Variants in NQO2 observed in about 807,000 individuals in gnomAD.
NQO2 encodes ribosyldihydronicotinamide dehydrogenase [quinone].
In NQO2, 18 loss-of-function variants were observed where a neutral mutation model predicts 22.0. That is an observed-to-expected ratio of 0.82 (90% confidence interval 0.56 to 1.21). The LOEUF is 1.21. NQO2 is among the 50% of genes most tolerant of loss of function. The pLI is 0.00. For missense variants in NQO2, 267 were observed against 286.9 expected (o/e 0.93, Z 0.50); for synonymous variants, 106 against 110.8 (o/e 0.96, Z 0.28).
At chr6:3,001,090 C>CTTTTTT (rs66489312) in intron 1 of NQO2, among the ~76,000 whole-genome samples, 1 of 114,226 alleles carries the variant, frequency 8.8e-6, no homozygotes, top group Admixed American at 9.1e-5. Flanking sequence ...CTTTCTTTTT[C>CTTTTTT]TTTTTTTTTT....
At position 3,006,422 on chromosome 6, in the gene NQO2, C is replaced by T; in HGVS notation, c.-85-46C>T. The T allele has an allele frequency of 2.6e-6, 4 of 1,538,106 alleles. No homozygotes were observed. The highest frequency in any genetic ancestry group is 3.5e-6 in the Non-Finnish European group (4 of 1,145,694). The stretch of plus-strand genomic sequence containing the variant: ...TGCCTAGATGTGGTACATTCGACCT[C>T]ACCTATGCCTCTCCCCACCCCCTCT... On this transcript the variant is annotated intron_variant, in intron 1 of 6. Coordinates refer to ENST00000380455, the MANE Select transcript of NQO2 (RefSeq NM_000904.6). The surrounding 1 kb of genome is among the most constrained non-coding windows in gnomAD (Gnocchi z 4.0).
chr6:3,015,208 C>G, intron 4 of NQO2: 1 of 1,361,410 alleles, frequency 7.3e-7, no homozygotes, highest in Admixed American at 2.2e-5. Flanking sequence ...TTTTGACTGG[C>G]TTGATCACAG....
chr6:3,017,059 C>T, intron 6 of NQO2, 74 bp downstream of exon 6: 1 of 1,430,464 alleles, frequency 7.0e-7, no homozygotes, highest in Non-Finnish European at 9.6e-7. Flanking sequence ...CACATGCATA[C>T]ACACACACAC....
intron 1 of NQO2, chr6:3,004,786 T>C (rs1173487928): frequency 3.2e-6 from 1 of 312,754 alleles, no homozygotes; most frequent in Non-Finnish European, 4.6e-6. Context: ...TCACACTCTC[T>C]GCATTGTTTT....
chr6:3,015,720 T>A, intron 5 of NQO2, 77 bp downstream of exon 5: 2 of 1,374,938 alleles, frequency 1.5e-6, no homozygotes, highest in Middle Eastern at 1.8e-4. Context: ...TCAAGTTATA[T>A]TTCTAGTTTC....
chr6:3,015,016 C>T, intron 4 of NQO2: 2 of 1,045,102 alleles, frequency 1.9e-6, no homozygotes, highest in Admixed American at 2.3e-5. Flanking sequence ...CAGGCGGTAA[C>T]ACTGGATGTA....
At chr6:3,015,507 C>T in intron 4 of NQO2, 23 bp from the exon 5 acceptor site, 1 of 1,609,092 alleles carries the variant, frequency 6.2e-7, no homozygotes, top group Non-Finnish European at 8.5e-7. Flanking sequence ...GCCTCAGTTT[C>T]TCTTTGGTGT....
intron 4 of NQO2, chr6:3,015,219 A>G: frequency 1.5e-6 from 2 of 1,377,426 alleles, no homozygotes; most frequent in Non-Finnish European, 1.9e-6. Context: ...TTGATCACAG[A>G]CTGCTGCTCC....
At chr6:3,016,136 C>T (rs1354570931) in intron 5 of NQO2, among the ~76,000 whole-genome samples, 1 of 152,128 alleles carries the variant, frequency 6.6e-6, no homozygotes, top group Admixed American at 6.5e-5. Flanking sequence ...CTTACTAAAA[C>T]AATGATTTTT....
chr6:3,002,176 A>G, intron 1 of NQO2: 5 of 984,828 alleles, frequency 5.1e-6, no homozygotes, highest in Non-Finnish European at 6.0e-6. Context: ...CCCTGTCTAG[A>G]GGAGTGAAAA....
chr6:3,009,132 T>A (rs900150148), intron 2 of NQO2, among the ~76,000 whole-genome samples: 1 of 152,142 alleles, frequency 6.6e-6, no homozygotes, highest in African/African-American at 2.4e-5. Context: ...GCTTATTTCA[T>A]CCCTACAGCT....
Position 3,010,071 on chromosome 6 carries a change from C to G in NQO2, c.54C>G (p.Phe18Leu), listed in dbSNP as rs144293488. Residue 18 changes from phenylalanine (F) to leucine (L), a missense_variant, in exon 3 of 7, where the codon TTC (phenylalanine) becomes TTG (leucine). Coordinates refer to ENST00000380455, the MANE Select transcript of NQO2 (RefSeq NM_000904.6). ...IVYAHQEPKS[F>L]NGSLKNVAVD... is the part of the protein sequence containing the mutation. ...ATGCACACCAGGAACCCAAGTCTTT[C>G]AACGGATCCTTGAAGAATGTGGCTG... is the stretch of plus-strand genomic sequence containing the variant. 3.8e-5 allele frequency: 62 copies of G among 1,613,982 alleles called. No individual in the cohort carries two copies. Among genetic ancestry groups the G allele is most frequent in the Admixed American group, 1.7e-4 (10 of 59,992 alleles).
rs758417586 is a variant in NQO2 at position 3,006,442 on chromosome 6, C to A, written c.-85-26C>A. 1.3e-6 allele frequency: 2 copies of A among 1,582,582 alleles called. No homozygotes were observed. On this transcript the variant is annotated intron_variant, in intron 1 of 6. Coordinates refer to ENST00000380455, the MANE Select transcript of NQO2 (RefSeq NM_000904.6). This position sits in a 1 kb window ranked among gnomAD's most constrained non-coding sequence, Gnocchi z 4.0. ...GACCTCACCTATGCCTCTCCCCACC[C>A]CCTCTGGGTTCGTTTTGTCTTCCAG...
intron 4 of NQO2, among the ~76,000 whole-genome samples, chr6:3,014,312 C>T (rs974685492): frequency 2.6e-5 from 4 of 152,196 alleles, no homozygotes; most frequent in Non-Finnish European, 4.4e-5. Context: ...TGCAGGACGT[C>T]CTTTGTCCTA....
intron 3 of NQO2, among the ~76,000 whole-genome samples, chr6:3,011,635 C>A (rs1190371465): frequency 6.6e-6 from 1 of 152,034 alleles, no homozygotes; most frequent in Non-Finnish European, 1.5e-5. Context: ...AATAGGACTA[C>A]CCCAAGGCAT....
In NQO2 at chr6:3,012,605, A is replaced by G; in HGVS notation, c.234A>G (p.Gln78=). 6.2e-7 allele frequency: 1 copy of G among 1,614,216 alleles called. No individual in the cohort carries two copies. Among genetic ancestry groups the G allele is most frequent in the Middle Eastern group, 1.6e-4 (1 of 6,062 alleles). The change falls in exon 4 of 7, where the codon CAA becomes CAG. Residue 78 remains glutamine, a synonymous_variant. Coordinates refer to ENST00000380455, the MANE Select transcript of NQO2 (RefSeq NM_000904.6). The part of the protein sequence containing the change: ...YGVETHEAYK[Q]RSLASDITDE... ...TGGAAACCCACGAAGCCTACAAGCA[A>G]AGGTCTCTGGCTAGCGACATCACTG...
At chr6:3,012,336 AC>A in intron 3 of NQO2, 1 of 955,726 alleles carries the variant, frequency 1.0e-6, no homozygotes, top group Non-Finnish European at 1.2e-6. Flanking sequence ...AGAGCACAGC[AC>A]CTGCTAGGTA....
At chr6:3,000,512 C>G (rs1350887294) in intron 1 of NQO2, 1 of 151,968 alleles carries the variant, frequency 6.6e-6, no homozygotes, top group Admixed American at 6.5e-5. Flanking sequence ...CTTCTCTAAC[C>G]TATAATCTCT....
chr6:3,018,972 G>A (rs925533337), intron 6 of NQO2, among the ~76,000 whole-genome samples: 1 of 149,894 alleles, frequency 6.7e-6, no homozygotes. Flanking sequence ...ATTTTCTTAG[G>A]GCCTATATAT....
Sources: allele counts gnomAD v4.1 joint callset (sites outside exome capture counted in the v4.1 genomes callset), GRCh38; gene constraint gnomAD v4.1.1; non-coding constraint Gnocchi (gnomAD v3.1); transcripts MANE v1.5; gene names NCBI Gene and HGNC (gene_info 2026-07-23, HGNC 2026-07-21).